Variants in LIMK2 observed in about 807,000 individuals in gnomAD.
LIMK2 encodes the protein LIM domain kinase 2.
A neutral mutation model predicts 75.7 loss-of-function variants in LIMK2; 35 were observed. The ratio of observed to expected loss-of-function variants is 0.46; its 90% CI spans 0.35 to 0.61. The LOEUF (loss-of-function observed/expected upper bound fraction) is 0.61, where lower values mean the gene tolerates loss of function less well. Among genes scored for constraint, LIMK2 ranks in the 20% least tolerant of loss-of-function variants. LIMK2 has a pLI of 0.00. For missense variants in LIMK2, 623 were observed against 831.0 expected (o/e 0.75, Z 3.08); for synonymous variants, 301 against 319.2 (o/e 0.94, Z 0.61).
intron 2 of LIMK2, among the ~76,000 whole-genome samples, chr22:31,256,486 G>T (rs150533730): frequency 7.9e-5 from 12 of 151,094 alleles, no homozygotes; most frequent in African/African-American, 2.9e-4. Context: ...GATTATAGGT[G>T]CATGCCACCA....
In LIMK2 at chr22:31,266,981, T is replaced by C; in HGVS notation, c.1042-3T>C. On this transcript the variant is annotated splice_region_variant and splice_polypyrimidine_tract_variant and intron_variant, in intron 8 of 15. Transcript: ENST00000331728. ...GCACCATTAACAGTCACCCTCCCTG[T>C]AGGTGACACACAAAGCCACGGGCAA... 1.3e-6 allele frequency: 2 copies of C among 1,594,664 alleles called. No individual in the cohort carries two copies. The highest frequency in any genetic ancestry group is 1.7e-6 in the Non-Finnish European group (2 of 1,164,816).
At chr22:31,259,804 G>T in intron 4 of LIMK2, 85 bp from the exon 5 acceptor site, 3 of 1,200,986 alleles carry the variant, frequency 2.5e-6, no homozygotes, top group African/African-American at 1.6e-5. Flanking sequence ...GGGTACTGTT[G>T]CTTAAAGCCA....
intron 1 of LIMK2, among the ~76,000 whole-genome samples, chr22:31,215,570 T>C (rs1036738629): frequency 5.3e-5 from 8 of 152,248 alleles, no homozygotes; most frequent in Non-Finnish European, 8.8e-5. Flanking sequence ...GTAAGACTTC[T>C]GCAGTGTTCT....
chr22:31,269,110 G>T (rs975211971), intron 11 of LIMK2, among the ~76,000 whole-genome samples: 28 of 150,728 alleles, frequency 1.9e-4, no homozygotes, highest in Middle Eastern at 3.4e-3. Flanking sequence ...AGGTTTTTTT[G>T]TTGTTGTTGT....
rs968110507 is a variant in LIMK2 at position 31,279,213 on chromosome 22, G to A, written c.*772G>A. ...AGTCACAAGCAAAGGAAGAGGCTGGGGGACTAGAAAGAGGCCCTGCCCTCT... is the reference window on the plus strand; with the variant it reads ...AGTCACAAGCAAAGGAAGAGGCTGGAGGACTAGAAAGAGGCCCTGCCCTCT... On this transcript the variant is annotated 3_prime_UTR_variant, in exon 16 of 16. Coordinates refer to ENST00000331728, the MANE Select transcript of LIMK2 (RefSeq NM_005569.4). The A allele has an allele frequency of 5.3e-5, 8 of 152,220 alleles. No individual in the cohort carries two copies. Among genetic ancestry groups the A allele is most frequent in the African/African-American group, 1.9e-4 (8 of 41,452 alleles). The allele number at this position is 152,220 out of a possible 1,614,324, so 9.4% of individuals were successfully genotyped here. A position where few individuals can be genotyped will look rare whatever the true frequency, so the allele number is the denominator to read the frequency against.
chr22:31,219,697 G>A (rs1478502759), intron 1 of LIMK2, among the ~76,000 whole-genome samples: 2 of 151,942 alleles, frequency 1.3e-5, no homozygotes, highest in East Asian at 1.9e-4. Flanking sequence ...TCAGCCTCCC[G>A]AGTAGCTGGG....
intron 1 of LIMK2, among the ~76,000 whole-genome samples, chr22:31,216,920 A>G (rs1361786692): frequency 1.3e-5 from 2 of 152,084 alleles, no homozygotes; most frequent in Non-Finnish European, 2.9e-5. Context: ...TCCTTTATCT[A>G]TTTTTATATA....
chr22:31,264,074 G>A (rs2048867548), intron 7 of LIMK2, among the ~76,000 whole-genome samples: 1 of 152,108 alleles, frequency 6.6e-6, no homozygotes, highest in South Asian at 2.1e-4. Context: ...GGCATGTGTT[G>A]GAAACAGTGC....
chr22:31,227,060 G>A (rs763508990), intron 2 of LIMK2, among the ~76,000 whole-genome samples: 2 of 152,222 alleles, frequency 1.3e-5, no homozygotes, highest in Non-Finnish European at 2.9e-5. Flanking sequence ...AATATATGCA[G>A]TGTATCCAGT....
chr22:31,267,692 G>T, intron 9 of LIMK2, 84 bp from the exon 10 acceptor site: 1 of 1,471,380 alleles, frequency 6.8e-7, no homozygotes. Context: ...GGTAACACTT[G>T]TCAAGCTGAT....
intron 1 of LIMK2, among the ~76,000 whole-genome samples, chr22:31,217,906 C>CCAAGTGTA (rs1230938864): frequency 2.0e-5 from 3 of 152,220 alleles, no homozygotes; most frequent in Non-Finnish European, 4.4e-5. Context: ...GTCCTTCACA[C>CCAAGTGTA]CCCATGAGTA....
In LIMK2 at chr22:31,279,673, CT is replaced by C. The variant is rs1226572168; in HGVS notation, c.*1234del. 2 of 152,218 alleles carry C rather than the reference CT, an allele frequency of 1.3e-5. No homozygotes were observed. Among genetic ancestry groups the C allele is most frequent in the Admixed American group, 6.5e-5 (1 of 15,276 alleles). 9.4% of individuals were successfully genotyped at this position (152,218 alleles called of 1,614,324 possible). Reference sequence around the variant, plus strand: ...CTCTTCATCACAACTAGATTTGCCTCTTCTAAGTGTCTATGAGCTTGCACCA... The same window carrying C: ...CTCTTCATCACAACTAGATTTGCCTCTCTAAGTGTCTATGAGCTTGCACCA... On this transcript the variant is annotated 3_prime_UTR_variant, in exon 16 of 16. Coordinates refer to ENST00000331728, the MANE Select transcript of LIMK2 (RefSeq NM_005569.4).
intron 2 of LIMK2, chr22:31,248,330 T>G: frequency 8.3e-7 from 1 of 1,210,952 alleles, no homozygotes. Context: ...CCCTCCCTCA[T>G]TCAGGGGTGG....
chr22:31,235,493 A>G (rs1265182738), intron 2 of LIMK2, among the ~76,000 whole-genome samples: 1 of 152,192 alleles, frequency 6.6e-6, no homozygotes, highest in African/African-American at 2.4e-5. Flanking sequence ...CTTGAGCTGC[A>G]CTTCTCTGTA....
chr22:31,226,599 A>ATATTATTATTATTATTATTAT (rs775194123), intron 2 of LIMK2, among the ~76,000 whole-genome samples: 965 of 141,376 alleles, frequency 6.8e-3, no homozygotes, highest in Non-Finnish European at 9.8e-3. Flanking sequence ...TATTATAGCT[A>ATATTATTATTATTATTATTAT]CATTATTATT....
At chr22:31,213,999 A>G (rs191412714) in intron 1 of LIMK2, among the ~76,000 whole-genome samples, 29 of 152,000 alleles carry the variant, frequency 1.9e-4, no homozygotes, top group Middle Eastern at 6.8e-3. Flanking sequence ...TGGTATATTT[A>G]GTAGAGATGG....
chr22:31,226,754 C>G (rs1024668017), intron 2 of LIMK2, among the ~76,000 whole-genome samples: 1 of 152,220 alleles, frequency 6.6e-6, no homozygotes, highest in South Asian at 2.1e-4. Context: ...GGACTCCAGG[C>G]ACCTGCCACC....
Position 31,225,825 on chromosome 22 carries a change from T to TGG in LIMK2, c.116+8_116+9dup. 1 of 1,607,736 alleles carries TGG rather than the reference T, an allele frequency of 6.2e-7. No individual in the cohort carries two copies. Among genetic ancestry groups the TGG allele is most frequent in the Admixed American group, 1.7e-5 (1 of 59,904 alleles). ...TGGCACGGCTCTTGCTTCCGGTAGG[T>TGG]GGGCCTATCCTCCCATCTTTACCAG... On this transcript the variant is annotated splice_region_variant and intron_variant, in intron 2 of 15. Coordinates refer to ENST00000331728, the MANE Select transcript of LIMK2 (RefSeq NM_005569.4).
At position 31,231,750 on chromosome 22, in the gene LIMK2, A is replaced by C. The variant is rs566317828; in HGVS notation, c.116+5931A>C. 2.0e-5 allele frequency among the ~76,000 whole-genome samples: 3 copies of C among 152,356 alleles called. No homozygotes were observed. In the East Asian group the frequency reaches 5.8e-4, roughly 29 times the overall value. ...AGATGAGGCCAGAGATAGATAACTG[A>C]TATTAATTAAACGTTGTATTAAGAA... On this transcript the variant is annotated intron_variant, in intron 2 of 15. Transcript: ENST00000331728.
Sources: gnomAD v4.1 joint callset for allele counts (sites outside exome capture counted in the v4.1 genomes callset) on GRCh38, gnomAD v4.1.1 for gene constraint, MANE v1.5 for transcripts, NCBI Gene and HGNC (gene_info 2026-07-23, HGNC 2026-07-21) for gene names.